LHFPL7: variants seen among roughly 807,000 people sequenced by gnomAD.
LHFPL7 encodes LHFPL tetraspan subfamily member 7 protein.
At chr22:24,944,556 G>A in the LHFPL7 span, among the ~76,000 whole-genome samples, 8 of 152,002 alleles carry the variant, frequency 5.3e-5, no homozygotes, top group African/African-American at 1.4e-4. Context: ...AGGAAAGAGC[G>A]GTGCGCCTTG....
the LHFPL7 span, among the ~76,000 whole-genome samples, chr22:24,936,901 C>T: frequency 4.6e-5 from 7 of 152,070 alleles, no homozygotes; most frequent in African/African-American, 9.7e-5. Flanking sequence ...GACTGATGCC[C>T]TCCAACCCCC....
At chr22:24,941,979 T>TTTTATTTATTTA in the LHFPL7 span, among the ~76,000 whole-genome samples, 2,699 of 145,964 alleles carry the variant, frequency 0.018, 79 homozygotes, top group African/African-American at 0.06. Context: ...TTCAAATGTA[T>TTTTATTTATTTA]TTTATTTATT....
chr22:24,937,282 C>T, the LHFPL7 span, among the ~76,000 whole-genome samples: 5 of 152,188 alleles, frequency 3.3e-5, no homozygotes, highest in Non-Finnish European at 4.4e-5. Context: ...GTAGCAAGAC[C>T]TGTGAAAATC....
the LHFPL7 span, chr22:24,938,046 G>T: frequency 1.3e-6 from 2 of 1,494,596 alleles, no homozygotes; most frequent in South Asian, 1.3e-5. Flanking sequence ...GGTCTGACCC[G>T]AGAGGCCAGG....
At chr22:24,936,354 T>TCATC in the LHFPL7 span, among the ~76,000 whole-genome samples, 11 of 152,076 alleles carry the variant, frequency 7.2e-5, no homozygotes, top group Admixed American at 5.9e-4. Context: ...ATCCATCCAT[T>TCATC]CATCCATCCA....
chr22:24,938,267 G>A, the LHFPL7 span: 11 of 1,613,718 alleles, frequency 6.8e-6, no homozygotes, highest in East Asian at 2.2e-5. Flanking sequence ...GCCAGCCTCC[G>A]AGGAGCATCA....
chr22:24,940,497 G>A, the LHFPL7 span, among the ~76,000 whole-genome samples: 1 of 151,432 alleles, frequency 6.6e-6, no homozygotes, highest in Non-Finnish European at 1.5e-5. Flanking sequence ...TTGGGAGGCT[G>A]AGGCAGGAGA....
the LHFPL7 span, among the ~76,000 whole-genome samples, chr22:24,940,422 T>C: frequency 6.7e-6 from 1 of 148,218 alleles, no homozygotes; most frequent in African/African-American, 2.5e-5. Flanking sequence ...TGAAACTCCG[T>C]CTCTACTAAA....
chr22:24,941,092 T>A, the LHFPL7 span, among the ~76,000 whole-genome samples: 1 of 152,018 alleles, frequency 6.6e-6, no homozygotes, highest in East Asian at 1.9e-4. Context: ...TTAATGTATG[T>A]CATTTTGTGT....
At chr22:24,937,088 C>T in the LHFPL7 span, among the ~76,000 whole-genome samples, 2 of 152,144 alleles carry the variant, frequency 1.3e-5, no homozygotes, top group African/African-American at 4.8e-5. Flanking sequence ...AGCTGATGTT[C>T]TTTGGAGAAA....
chr22:24,944,834 C>G, the LHFPL7 span, among the ~76,000 whole-genome samples: 1 of 151,090 alleles, frequency 6.6e-6, no homozygotes, highest in South Asian at 2.1e-4. Flanking sequence ...TTTTTGAGAC[C>G]GAGTCTTGCT....
chr22:24,935,124 A>G, the LHFPL7 span: 2 of 609,260 alleles, frequency 3.3e-6, no homozygotes, highest in Non-Finnish European at 5.6e-6. Context: ...TTATTTACAC[A>G]GAGCATCTCC....
the LHFPL7 span, among the ~76,000 whole-genome samples, chr22:24,937,367 A>T: frequency 2.6e-5 from 4 of 152,238 alleles, no homozygotes; most frequent in African/African-American, 9.6e-5. Context: ...GAATAGCCAG[A>T]GCACACTGAG....
the LHFPL7 span, among the ~76,000 whole-genome samples, chr22:24,942,310 A>T: frequency 6.6e-6 from 1 of 152,272 alleles, no homozygotes; most frequent in Non-Finnish European, 1.5e-5. Context: ...GTATTTTAAT[A>T]TAAAAGTAAG....
At chr22:24,935,846 A>C in the LHFPL7 span, among the ~76,000 whole-genome samples, 1 of 151,922 alleles carries the variant, frequency 6.6e-6, no homozygotes, top group Non-Finnish European at 1.5e-5. Flanking sequence ...TCCTATCTAC[A>C]TATCCATTCA....
At chr22:24,935,555 G>A in the LHFPL7 span, 5 of 1,613,510 alleles carry the variant, frequency 3.1e-6, no homozygotes, top group Non-Finnish European at 4.2e-6. Flanking sequence ...GGGAGGCAAG[G>A]CCGATTGGGA....
chr22:24,940,574 C>T, the LHFPL7 span, among the ~76,000 whole-genome samples: 5 of 149,328 alleles, frequency 3.3e-5, no homozygotes, highest in Admixed American at 2.0e-4. Context: ...CCAGCCTGGG[C>T]GACAGAGCGA....
chr22:24,935,454 G>C, the LHFPL7 span: 4 of 1,614,078 alleles, frequency 2.5e-6, no homozygotes, highest in Non-Finnish European at 3.4e-6. Context: ...GGCCAGGACT[G>C]CATTGAGGAT....
chr22:24,935,991 C>T, the LHFPL7 span, among the ~76,000 whole-genome samples: 97 of 152,074 alleles, frequency 6.4e-4, no homozygotes, highest in African/African-American at 2.2e-3. Flanking sequence ...ACTAAAATAT[C>T]CACCCATTCA....
Sources: allele counts gnomAD v4.1 joint callset (sites outside exome capture counted in the v4.1 genomes callset), GRCh38; gene constraint gnomAD v4.1.1; transcripts MANE v1.5; gene names NCBI Gene and HGNC (gene_info 2026-07-23, HGNC 2026-07-21).